The following TAFA2 variants were observed in gnomAD, a reference collection of about 807,000 sequenced individuals.
TAFA2 encodes the protein chemokine-like protein TAFA-2.
In TAFA2, 7 loss-of-function variants were observed where a neutral mutation model predicts 18.8. The ratio of observed to expected loss-of-function variants is 0.37; its 90% CI spans 0.21 to 0.70. The LOEUF is 0.70. Ranked by LOEUF, TAFA2 falls within the 30% of genes least tolerant of loss-of-function variation. TAFA2 has a pLI of 0.53. For synonymous variants in TAFA2, 60 were observed against 54.2 expected (o/e 1.11, Z -0.47); for missense variants, 122 against 158.1 (o/e 0.77, Z 1.23).
chr12:62,181,928 T>C lies in TAFA2; in HGVS notation c.-2+9331A>G, dbSNP rs75715299. ...CAAAATTTACAAAAAGGAAGAGATA[T>C]TCATTTTAAAATTGTAAGCCCAATA... On this transcript the variant is annotated intron_variant, in intron 1 of 4. Transcript: ENST00000416284. 3.2e-3 allele frequency among the ~76,000 whole-genome samples: 487 copies of C among 152,174 alleles called. 2 individuals carry two copies. The highest frequency in any genetic ancestry group is 5.0e-3 in the Admixed American group (76 of 15,284).
intron 1 of TAFA2, among the ~76,000 whole-genome samples, chr12:62,172,898 G>GTTC (rs2062487874): frequency 6.6e-6 from 1 of 152,138 alleles, no homozygotes; most frequent in East Asian, 1.9e-4. Context: ...TTTAGTCACT[G>GTTC]AATAAGCTCA....
At chr12:62,008,931 G>T (rs1299540788) in intron 1 of TAFA2, among the ~76,000 whole-genome samples, 1 of 152,186 alleles carries the variant, frequency 6.6e-6, no homozygotes, top group Non-Finnish European at 1.5e-5. Flanking sequence ...GGACTGTTGT[G>T]CAATCATACT....
At chr12:62,227,602 T>C (rs2136982077) in intron 1 of TAFA2, among the ~76,000 whole-genome samples, 1 of 152,330 alleles carries the variant, frequency 6.6e-6, no homozygotes, top group Admixed American at 6.5e-5. Flanking sequence ...TTATTTCCTT[T>C]CCTGTGTAGA....
chr12:62,018,211 C>G (rs1329813226), intron 1 of TAFA2, among the ~76,000 whole-genome samples: 1 of 152,136 alleles, frequency 6.6e-6, no homozygotes, highest in Admixed American at 6.5e-5. Context: ...TCCCATCCCT[C>G]CAGGTAAACT....
At chr12:61,836,694 A>G (rs1160542974) in intron 2 of TAFA2, among the ~76,000 whole-genome samples, 2 of 142,612 alleles carry the variant, frequency 1.4e-5, no homozygotes, top group Non-Finnish European at 3.1e-5. Context: ...TTTGCCATAA[A>G]ATAGCTAGCA....
chr12:62,052,300 C>A (rs1296547405), intron 1 of TAFA2, among the ~76,000 whole-genome samples: 2 of 152,148 alleles, frequency 1.3e-5, no homozygotes, highest in Non-Finnish European at 2.9e-5. Flanking sequence ...CTCAAGTGAT[C>A]CTCCAGCCTT....
intron 1 of TAFA2, among the ~76,000 whole-genome samples, chr12:61,939,936 G>A (rs1455420066): frequency 1.3e-5 from 2 of 152,164 alleles, no homozygotes; most frequent in Admixed American, 6.5e-5. Flanking sequence ...CACCTACAGA[G>A]AAACATGACA....
intron 1 of TAFA2, among the ~76,000 whole-genome samples, chr12:62,066,125 C>CTGTGTG (rs1882479481): frequency 1.3e-5 from 1 of 74,682 alleles, no homozygotes; most frequent in East Asian, 4.3e-4. Context: ...GCTGAAACAG[C>CTGTGTG]CGTGTGTGTG....
At chr12:61,734,936 T>A (rs1427934391) in intron 4 of TAFA2, among the ~76,000 whole-genome samples, 2 of 152,012 alleles carry the variant, frequency 1.3e-5, no homozygotes, top group African/African-American at 2.4e-5. Flanking sequence ...TATGTCTCAA[T>A]CTCCTCAACT....
intron 4 of TAFA2, among the ~76,000 whole-genome samples, chr12:61,717,306 GAC>G (rs1370389631): frequency 4.6e-5 from 7 of 152,154 alleles, no homozygotes; most frequent in African/African-American, 1.7e-4. Context: ...TGAGCAAGCT[GAC>G]CAGACAACTT....
In TAFA2 at chr12:61,804,738, A is replaced by G. The variant is rs190439273; in HGVS notation, c.107-49714T>C. On this transcript the variant is annotated intron_variant, in intron 2 of 4. Transcript: ENST00000416284. Reference sequence around the variant, plus strand: ...CCATTATTTTAAGCACTTTATACCCATTATCTCATTTAAACCTGACATTAA... The same window carrying G: ...CCATTATTTTAAGCACTTTATACCCGTTATCTCATTTAAACCTGACATTAA... Among the ~76,000 whole-genome samples the G allele has an allele frequency of 2.6e-5, 4 of 152,136 alleles. No individual in the cohort carries two copies. The East Asian group carries it at 5.8e-4, about 22-fold the overall frequency.
At chr12:61,923,638 G>A (rs952923322) in intron 1 of TAFA2, among the ~76,000 whole-genome samples, 2 of 152,048 alleles carry the variant, frequency 1.3e-5, no homozygotes, top group Non-Finnish European at 2.9e-5. Context: ...AGAAAAGTCA[G>A]CACAAAAAGG....
intron 2 of TAFA2, among the ~76,000 whole-genome samples, chr12:61,768,222 A>C (rs1436023897): frequency 6.6e-6 from 1 of 152,160 alleles, no homozygotes; most frequent in African/African-American, 2.4e-5. Flanking sequence ...CCATGAAAGA[A>C]AGAATAGATA....
At chr12:62,167,177 A>C (rs1277043710) in intron 1 of TAFA2, among the ~76,000 whole-genome samples, 1 of 152,170 alleles carries the variant, frequency 6.6e-6, no homozygotes, top group Admixed American at 6.5e-5. Context: ...TAAATTATAA[A>C]CCAAAATTTC....
intron 1 of TAFA2, chr12:62,234,563 C>A: frequency 1.2e-6 from 1 of 830,462 alleles, no homozygotes; most frequent in South Asian, 1.3e-5. Flanking sequence ...CATCTACGCT[C>A]ATTAGAACGG....
At position 62,167,739 on chromosome 12, in the gene TAFA2, G is replaced by A. The variant is rs2062449933; in HGVS notation, c.-2+23520C>T. Among the ~76,000 whole-genome samples, 3 of 152,084 alleles carry A rather than the reference G, an allele frequency of 2.0e-5. No individual in the cohort carries two copies. The South Asian group carries it at 6.2e-4, about 32-fold the overall frequency. ...CCCAGACTGTAGTTCTAAATTTCTA[G>A]TCATTCCTACTAAAAGGAGCCATGG... On this transcript the variant is annotated intron_variant, in intron 1 of 4. Transcript: ENST00000416284.
At chr12:62,070,903 A>G (rs965618491) in intron 1 of TAFA2, among the ~76,000 whole-genome samples, 1 of 152,210 alleles carries the variant, frequency 6.6e-6, no homozygotes, top group Non-Finnish European at 1.5e-5. Flanking sequence ...AATTTCAGAT[A>G]GAATTATCAA....
chr12:62,210,185 CTAAA>C (rs56194828), intron 1 of TAFA2, among the ~76,000 whole-genome samples: 5,832 of 144,376 alleles, frequency 0.04, 208 homozygotes, highest in African/African-American at 0.1. Context: ...GACTCTGTCT[CTAAA>C]TAAATAAATA....
intron 1 of TAFA2, among the ~76,000 whole-genome samples, chr12:62,024,403 A>G (rs571610513): frequency 5.3e-4 from 80 of 152,200 alleles, no homozygotes; most frequent in Non-Finnish European, 1.1e-3. Flanking sequence ...CAAAATGCCT[A>G]TTGTTTGGTT....
Sources: allele counts gnomAD v4.1 joint callset (sites outside exome capture counted in the v4.1 genomes callset), GRCh38; gene constraint gnomAD v4.1.1; transcripts MANE v1.5; gene names NCBI Gene and HGNC (gene_info 2026-07-23, HGNC 2026-07-21).